CDH22: variants seen among roughly 807,000 people sequenced by gnomAD.
CDH22 encodes cadherin 22, also known as cadherin-22.
CDH22 carries 30 observed loss-of-function variants against 58.4 expected under a neutral mutation model. The ratio of observed to expected loss-of-function variants is 0.51; its 90% CI spans 0.38 to 0.70. The LOEUF is 0.70. CDH22 is among the 30% of genes least tolerant of loss of function. The pLI is 0.00. For missense variants in CDH22, 1,014 were observed against 1,233.9 expected, an observed-to-expected ratio of 0.82 and a Z score of 2.67; for synonymous variants, 513 against 558.2, an observed-to-expected ratio of 0.92 and a Z score of 1.14.
chr20:46,265,697 T>C (rs2145752460), intron 1 of CDH22, among the ~76,000 whole-genome samples: 1 of 152,362 alleles, frequency 6.6e-6, no homozygotes, highest in Admixed American at 6.5e-5. Context: ...GATTCGTCTT[T>C]GTTCTTGCAT....
At chr20:46,284,624 A>T (rs1255990604) in intron 1 of CDH22, among the ~76,000 whole-genome samples, 2 of 152,088 alleles carry the variant, frequency 1.3e-5, no homozygotes, top group Admixed American at 6.5e-5. Context: ...ACCTGTTCTG[A>T]TTGATCAGTG....
intron 1 of CDH22, among the ~76,000 whole-genome samples, chr20:46,280,461 C>A: frequency 6.6e-6 from 1 of 152,118 alleles, no homozygotes; most frequent in East Asian, 1.9e-4. Flanking sequence ...GCCTGCTGGC[C>A]GTTGTTGTCA....
intron 1 of CDH22, among the ~76,000 whole-genome samples, chr20:46,271,309 T>G (rs1488730909): frequency 6.6e-6 from 1 of 152,214 alleles, no homozygotes; most frequent in Non-Finnish European, 1.5e-5. Flanking sequence ...TCTGAGCCTA[T>G]GCACACCTTC....
chr20:46,299,829 C>A (rs1048519360), intron 1 of CDH22, among the ~76,000 whole-genome samples: 2 of 152,136 alleles, frequency 1.3e-5, no homozygotes. Flanking sequence ...AAGATGGGAA[C>A]CCTGGTAGTC....
chr20:46,206,495 A>G (rs1300970414), intron 7 of CDH22, among the ~76,000 whole-genome samples: 1 of 152,136 alleles, frequency 6.6e-6, no homozygotes, highest in Non-Finnish European at 1.5e-5. Flanking sequence ...AAAGTCTCCC[A>G]GGATGCCACC....
intron 1 of CDH22, among the ~76,000 whole-genome samples, chr20:46,270,827 G>A (rs2086484093): frequency 6.6e-6 from 1 of 152,208 alleles, no homozygotes; most frequent in Non-Finnish European, 1.5e-5. Flanking sequence ...TAAGGCAGGA[G>A]CTGGGTTGAC....
chr20:46,244,288 C>A (rs1461771190), intron 2 of CDH22, among the ~76,000 whole-genome samples: 4 of 152,204 alleles, frequency 2.6e-5, no homozygotes, highest in African/African-American at 9.6e-5. Flanking sequence ...CTGGGGCCTA[C>A]TGGCTGCTCT....
rs1002623206 is a variant in CDH22 at position 46,174,542 on chromosome 20, G to C, written c.2451C>G (p.Ala817=). The C allele has an allele frequency of 3.3e-6, 5 of 1,522,482 alleles. No homozygotes were observed. In the African/African-American group the frequency reaches 7.1e-5, roughly 21 times the overall value. The allele number at this position is 1,522,482 out of a possible 1,614,324, so 94.3% of individuals were successfully genotyped here. A position where few individuals can be genotyped will look rare whatever the true frequency, so the allele number is the denominator to read the frequency against. Reference sequence around the variant, plus strand: ...GGGCCTCGTCGTCCCCGCGGTGGCCGGCGTAGAGCGCGGCCAGGGGCCGGA... The same window carrying C: ...GGGCCTCGTCGTCCCCGCGGTGGCCCGCGTAGAGCGCGGCCAGGGGCCGGA... ...PRFRPLAALY[A]GHRGDDEAQA... The change falls in exon 12 of 12, where the codon GCC becomes GCG. Residue 817 remains alanine, a synonymous_variant. Transcript: ENST00000537909. This position sits in a 1 kb window ranked among gnomAD's most constrained non-coding sequence, Gnocchi z 4.4.
chr20:46,287,003 C>T (rs1227667394), intron 1 of CDH22, among the ~76,000 whole-genome samples: 1 of 152,102 alleles, frequency 6.6e-6, no homozygotes, highest in Non-Finnish European at 1.5e-5. Flanking sequence ...TCCATTTATT[C>T]AATAAACATT....
chr20:46,200,997 GA>G (rs1286725238), intron 7 of CDH22, among the ~76,000 whole-genome samples: 3 of 152,250 alleles, frequency 2.0e-5, no homozygotes, highest in Admixed American at 6.5e-5. Context: ...GTTGCCGCGT[GA>G]AAAAGCCCTT....
chr20:46,209,199 C>T (rs564190173), intron 7 of CDH22, among the ~76,000 whole-genome samples: 47 of 152,274 alleles, frequency 3.1e-4, no homozygotes, highest in African/African-American at 1.1e-3. Flanking sequence ...GAGAAGATGA[C>T]TTTTGAGCAA....
intron 8 of CDH22, among the ~76,000 whole-genome samples, chr20:46,193,812 C>T (rs1467216200): frequency 6.6e-6 from 1 of 152,144 alleles, no homozygotes; most frequent in African/African-American, 2.4e-5. Context: ...ACACCTGAAT[C>T]CCCTTTCTGC....
At chr20:46,205,496 G>A (rs2085995307) in intron 7 of CDH22, among the ~76,000 whole-genome samples, 1 of 152,178 alleles carries the variant, frequency 6.6e-6, no homozygotes. Context: ...CAAAGCCCTT[G>A]CAGTTTCTGC....
chr20:46,183,130 G>A (rs1435977507), intron 10 of CDH22, among the ~76,000 whole-genome samples: 2 of 152,194 alleles, frequency 1.3e-5, no homozygotes, highest in Non-Finnish European at 2.9e-5. Flanking sequence ...CCTGTGACCT[G>A]CTCAGGATAC....
chr20:46,248,787 G>A (rs2145735011), intron 2 of CDH22, among the ~76,000 whole-genome samples: 1 of 152,216 alleles, frequency 6.6e-6, no homozygotes, highest in Middle Eastern at 3.4e-3. Flanking sequence ...CTCCAGCCTG[G>A]GTGGGCAACA....
chr20:46,303,303 A>G (rs930304114), intron 1 of CDH22, among the ~76,000 whole-genome samples: 5 of 150,996 alleles, frequency 3.3e-5, no homozygotes, highest in Admixed American at 6.6e-5. Flanking sequence ...ATTCCTCCCT[A>G]CCCTCCTTTA....
rs952298733 is a variant in CDH22, at chr20:46,276,444, T to C, written c.-399-24751A>G. Among the ~76,000 whole-genome samples, 4 of 152,142 alleles carry C rather than the reference T, an allele frequency of 2.6e-5. No individual in the cohort carries two copies. The East Asian group carries it at 7.7e-4, about 29-fold the overall frequency. On this transcript the variant is annotated intron_variant, in intron 1 of 11. Coordinates refer to ENST00000537909, the MANE Select transcript of CDH22 (RefSeq NM_021248.3). Reference sequence around the variant, plus strand: ...TGGGAGAATTGACAGTCGTGGGCGATTGATTGGATGTAGGTGGTCAGCAAA... The same window carrying C: ...TGGGAGAATTGACAGTCGTGGGCGACTGATTGGATGTAGGTGGTCAGCAAA...
intron 8 of CDH22, among the ~76,000 whole-genome samples, chr20:46,191,290 G>A (rs115990646): frequency 1.3e-5 from 2 of 152,154 alleles, no homozygotes; most frequent in African/African-American, 2.4e-5. Flanking sequence ...CAGGCAGTGG[G>A]ATCAGCACGT....
intron 3 of CDH22, among the ~76,000 whole-genome samples, chr20:46,231,998 A>G (rs1462862532): frequency 8.5e-5 from 13 of 152,210 alleles, no homozygotes; most frequent in African/African-American, 3.1e-4. Context: ...TTCTCTCCGT[A>G]TCATCAGGAG....
Sources: allele counts gnomAD v4.1 joint callset (sites outside exome capture counted in the v4.1 genomes callset), GRCh38; gene constraint gnomAD v4.1.1; non-coding constraint Gnocchi (gnomAD v3.1); transcripts MANE v1.5; gene names NCBI Gene and HGNC (gene_info 2026-07-23, HGNC 2026-07-21).